The following MGAT5B variants were observed in gnomAD, a reference collection of about 807,000 sequenced individuals.
MGAT5B encodes the protein N-acetylglucosaminyl-transferase Vb.
Under a neutral mutation model 95.1 loss-of-function variants are expected in MGAT5B, and 54 were observed. That is an observed-to-expected ratio of 0.57 (90% CI 0.46 to 0.71). The LOEUF (loss-of-function observed/expected upper bound fraction) is 0.71. Among genes scored for constraint, MGAT5B ranks in the 30% least tolerant of loss-of-function variants. MGAT5B has a pLI of 0.00. For synonymous variants in MGAT5B, 464 were observed against 451.0 expected (o/e 1.03, Z -0.36); for missense variants, 935 against 1,088.6 (o/e 0.86, Z 1.99).
In MGAT5B at chr17:76,903,293, C is replaced by A; in HGVS notation, c.446-10C>A. ...ACCAGGGACTTCAGCAAGGTGACCT[C>A]TCCCTACAGTGTCAGAAGGCCGGCG... On this transcript the variant is annotated splice_polypyrimidine_tract_variant and intron_variant, in intron 4 of 17. Coordinates refer to ENST00000569840, the MANE Select transcript of MGAT5B (RefSeq NM_001199172.2). The A allele has an allele frequency of 6.2e-7, 1 of 1,609,152 alleles. No individual in the cohort carries two copies. Among genetic ancestry groups the A allele is most frequent in the South Asian group, 1.1e-5 (1 of 90,046 alleles).
chr17:76,936,137 G>A (rs1005384114), intron 12 of MGAT5B, among the ~76,000 whole-genome samples: 8 of 151,944 alleles, frequency 5.3e-5, no homozygotes, highest in Non-Finnish European at 1.2e-4. Flanking sequence ...GCCGGGAACG[G>A]TGGCTCACGC....
Position 76,868,980 on chromosome 17 carries a change from A to G in MGAT5B, c.-50A>G. ...GGACGCGGCGAGAGCTGGGCCCAGG[A>G]CGGTGCGTCCGGCCTCGCCCGCGGC... On this transcript the variant is annotated 5_prime_UTR_variant, in exon 1 of 18. Coordinates refer to ENST00000569840, the MANE Select transcript of MGAT5B (RefSeq NM_001199172.2). This position sits in a 1 kb window ranked among gnomAD's most constrained non-coding sequence, Gnocchi z 6.3. 2 of 1,571,134 alleles carry G rather than the reference A, an allele frequency of 1.3e-6. No individual in the cohort carries two copies. Among genetic ancestry groups the G allele is most frequent in the Non-Finnish European group, 1.8e-6 (2 of 1,141,812 alleles).
chr17:76,899,246 T>G (rs911006222), intron 3 of MGAT5B, among the ~76,000 whole-genome samples: 1 of 152,148 alleles, frequency 6.6e-6, no homozygotes, highest in Non-Finnish European at 1.5e-5. Flanking sequence ...TTTTTCTCCA[T>G]TTTGCGTGCC....
At chr17:76,902,498 T>C in intron 3 of MGAT5B, 57 bp from the exon 4 acceptor site, 1 of 1,357,158 alleles carries the variant, frequency 7.4e-7, no homozygotes. Context: ...GGCAGGACCC[T>C]CATGGGAAGG....
intron 3 of MGAT5B, among the ~76,000 whole-genome samples, chr17:76,887,150 G>A (rs1967663342): frequency 6.6e-6 from 1 of 152,202 alleles, no homozygotes; most frequent in African/African-American, 2.4e-5. Context: ...GGCACCTGCT[G>A]ACCCACCTGG....
In MGAT5B at chr17:76,905,198, T is replaced by G; in HGVS notation, c.720T>G (p.Leu240=). ...TTTTCCGAAGCAACCTGTCCCACCTTCTGGACCTGATGGGCAGCGGGAAGG... is the reference window on the plus strand; with the variant it reads ...TTTTCCGAAGCAACCTGTCCCACCTGCTGGACCTGATGGGCAGCGGGAAGG... ...QAVFRSNLSH[L]LDLMGSGKES... The change falls in exon 7 of 18, where the codon CTT becomes CTG. Residue 240 remains leucine (L), a synonymous_variant. Coordinates refer to ENST00000569840, the MANE Select transcript of MGAT5B (RefSeq NM_001199172.2). This position sits in a 1 kb window ranked among gnomAD's most constrained non-coding sequence, Gnocchi z 4.2. 1 of 1,613,416 alleles carries G rather than the reference T, an allele frequency of 6.2e-7. No individual in the cohort carries two copies. Among genetic ancestry groups the G allele is most frequent in the Non-Finnish European group, 8.5e-7 (1 of 1,179,500 alleles).
At chr17:76,907,621 A>G (rs1319992654) in intron 8 of MGAT5B, among the ~76,000 whole-genome samples, 1 of 152,050 alleles carries the variant, frequency 6.6e-6, no homozygotes, top group Non-Finnish European at 1.5e-5. Context: ...CTGTCTGCGG[A>G]TATTTTTTCC....
chr17:76,874,668 T>G (rs2145116227), intron 2 of MGAT5B, among the ~76,000 whole-genome samples: 1 of 152,146 alleles, frequency 6.6e-6, no homozygotes, highest in African/African-American at 2.4e-5. Flanking sequence ...GCTCTGGTTT[T>G]TATGCCTATC....
At chr17:76,941,186 G>T (rs1237848680) in intron 15 of MGAT5B, among the ~76,000 whole-genome samples, 3 of 152,264 alleles carry the variant, frequency 2.0e-5, no homozygotes, top group Non-Finnish European at 4.4e-5. Flanking sequence ...CACGATGGAT[G>T]TGTGGAGGTT....
chr17:76,935,885 AT>A (rs1393677023), intron 12 of MGAT5B, among the ~76,000 whole-genome samples: 72,262 of 118,964 alleles, frequency 0.61, 22,520 homozygotes, highest in Non-Finnish European at 0.63. Context: ...TATATTATAT[AT>A]TATATAATTA....
chr17:76,931,224 G>A (rs913957651), intron 10 of MGAT5B, among the ~76,000 whole-genome samples: 7 of 152,308 alleles, frequency 4.6e-5, no homozygotes, highest in Admixed American at 3.9e-4. Flanking sequence ...AGTCTCCTGA[G>A]TAGCTGGGAT....
intron 3 of MGAT5B, 124 bp from the exon 4 acceptor site, chr17:76,902,431 A>G (rs1968345675): frequency 3.1e-6 from 2 of 655,126 alleles, no homozygotes; most frequent in Non-Finnish European, 5.4e-6. Context: ...GCTTGGGGTC[A>G]GGGTTTGGGA....
At chr17:76,937,177 G>A (rs188860346) in intron 12 of MGAT5B, among the ~76,000 whole-genome samples, 12 of 152,224 alleles carry the variant, frequency 7.9e-5, no homozygotes, top group African/African-American at 2.6e-4. Context: ...AAGACAAAAT[G>A]GATTCAGCCC....
intron 12 of MGAT5B, among the ~76,000 whole-genome samples, chr17:76,934,129 CAG>C (rs1394341119): frequency 3.3e-5 from 5 of 152,188 alleles, no homozygotes; most frequent in Admixed American, 6.5e-5. Context: ...AAGGAGGACT[CAG>C]GGGGATCTCA....
At chr17:76,939,075 T>C (rs977778724) in intron 13 of MGAT5B, among the ~76,000 whole-genome samples, 26 of 128,940 alleles carry the variant, frequency 2.0e-4, no homozygotes, top group African/African-American at 7.4e-4. Flanking sequence ...TGTGTGTGTG[T>C]TGGGGGCAGT....
rs779523378 is a variant in MGAT5B, at chr17:76,906,070, C to T, written c.908C>T (p.Pro303Leu). The change falls in exon 8 of 18, where the codon CCT becomes CTT. Residue 303 changes from proline (P) to leucine (L), a missense_variant. Physicochemically the swap from Pro to Leu is moderately conservative, Grantham distance 98. Transcript: ENST00000569840. The surrounding 1 kb of genome is among the most constrained non-coding windows in gnomAD (Gnocchi z 4.6). Reference sequence around the variant, plus strand: ...GAGGAGTCCGGGGACGTGTTCAGCCCTCGGGTCCTGAAGGGCGGGCCCCTA... The same window carrying T: ...GAGGAGTCCGGGGACGTGTTCAGCCTTCGGGTCCTGAAGGGCGGGCCCCTA... The part of the protein sequence containing the change: ...LTEESGDVFS[P>L]RVLKGGPLGE... The T allele has an allele frequency of 2.1e-5, 33 of 1,609,142 alleles. No individual in the cohort carries two copies. The South Asian group carries it at 3.6e-4, about 18-fold the overall frequency.
intron 5 of MGAT5B, among the ~76,000 whole-genome samples, chr17:76,903,802 C>T (rs570456969): frequency 6.6e-6 from 1 of 152,328 alleles, no homozygotes; most frequent in East Asian, 1.9e-4. Context: ...AAGGGGTGGG[C>T]GGTGGTGCCG....
At chr17:76,877,957 T>C (rs1012645339) in intron 2 of MGAT5B, among the ~76,000 whole-genome samples, 5 of 152,060 alleles carry the variant, frequency 3.3e-5, no homozygotes, top group African/African-American at 9.7e-5. Context: ...TCTCCCAGCG[T>C]CCCAGCTTTC....
intron 8 of MGAT5B, among the ~76,000 whole-genome samples, chr17:76,907,196 C>A (rs523640): frequency 6.6e-6 from 1 of 151,764 alleles, no homozygotes; most frequent in Non-Finnish European, 1.5e-5. Context: ...GATTACAGGC[C>A]CACGCCGCCA....
Sources: gnomAD v4.1 joint callset for allele counts (sites outside exome capture counted in the v4.1 genomes callset) on GRCh38, gnomAD v4.1.1 for gene constraint, Gnocchi (gnomAD v3.1) non-coding constraint, MANE v1.5 for transcripts, NCBI Gene and HGNC (gene_info 2026-07-23, HGNC 2026-07-21) for gene names.